The following RASEF variants were observed in gnomAD, a reference collection of about 807,000 sequenced individuals.
The protein encoded by RASEF is ras and EF-hand domain-containing protein.
RASEF carries 68 observed loss-of-function variants against 90.1 expected under a neutral mutation model. The observed-to-expected ratio is 0.75, with a 90% confidence interval of 0.62 to 0.92. The LOEUF (loss-of-function observed/expected upper bound fraction) is 0.92, where lower values mean the gene tolerates loss of function less well. Ranked by LOEUF, RASEF falls within the 40% of genes least tolerant of loss-of-function variation. RASEF has a pLI of 0.00. For missense variants in RASEF, 949 were observed against 937.2 expected (o/e 1.01, Z -0.16); for synonymous variants, 331 against 345.2 (o/e 0.96, Z 0.46).
intron 16 of RASEF, among the ~76,000 whole-genome samples, chr9:82,983,220 G>A: frequency 6.6e-6 from 1 of 151,276 alleles, no homozygotes; most frequent in East Asian, 1.9e-4. Flanking sequence ...CACACAGCTT[G>A]CTCCTTAACA....
At chr9:83,174,559 T>C in the RASEF span, among the ~76,000 whole-genome samples, 7 of 152,118 alleles carry the variant, frequency 4.6e-5, no homozygotes, top group African/African-American at 1.7e-4. Context: ...TTGTAGTAAG[T>C]TTTTAAACTG....
intron 2 of RASEF, among the ~76,000 whole-genome samples, chr9:83,023,440 G>T (rs1829479750): frequency 6.6e-6 from 1 of 152,090 alleles, no homozygotes; most frequent in Non-Finnish European, 1.5e-5. Flanking sequence ...AGTTTGATGG[G>T]TCTCTGCTAT....
At chr9:83,218,749 C>G in the RASEF span, among the ~76,000 whole-genome samples, 1 of 152,224 alleles carries the variant, frequency 6.6e-6, no homozygotes, top group Non-Finnish European at 1.5e-5. Context: ...ACCTGAGAAC[C>G]TGGCCTCCCA....
the RASEF span, among the ~76,000 whole-genome samples, chr9:83,194,547 CT>C: frequency 6.6e-6 from 1 of 152,080 alleles, no homozygotes; most frequent in Non-Finnish European, 1.5e-5. Context: ...CTTTTTCCCC[CT>C]TATATACTCC....
the RASEF span, among the ~76,000 whole-genome samples, chr9:83,069,842 T>C: frequency 3.3e-5 from 5 of 152,188 alleles, no homozygotes; most frequent in Admixed American, 3.3e-4. Flanking sequence ...ATCAGTCTCT[T>C]TAAGAATTCT....
At chr9:83,114,737 T>A in the RASEF span, among the ~76,000 whole-genome samples, 55,754 of 151,952 alleles carry the variant, frequency 0.37, 10,794 homozygotes, top group East Asian at 0.71. Context: ...ACAAAGAAAT[T>A]CCCGCCTAAT....
chr9:83,123,208 C>G, the RASEF span, among the ~76,000 whole-genome samples: 3 of 138,528 alleles, frequency 2.2e-5, no homozygotes, highest in African/African-American at 5.5e-5. Flanking sequence ...CCTCTGCACT[C>G]TGGCCTGGGC....
intron 16 of RASEF, among the ~76,000 whole-genome samples, chr9:82,986,882 G>C (rs1293232074): frequency 6.6e-6 from 1 of 152,150 alleles, no homozygotes; most frequent in East Asian, 1.9e-4. Context: ...GGTTATGAAC[G>C]ATGACCTATC....
chr9:83,025,819 T>A lies in RASEF; in HGVS notation c.534A>T (p.Arg178Ser), dbSNP rs1829536037. ...AATTTTCCATTTCTGTGCTTTGAAG[T>A]CTGATCTCACGGATGAAGTTCTTTA... ...HVIKNFIREI[R>S]LQSTEMENLA... Residue 178 changes from arginine (R) to serine (S), a missense_variant, in exon 2 of 17, where the codon AGA (arginine) becomes AGT (serine). Around this residue, in one of 3 missense-constraint regions of RASEF, gnomAD observed 656 missense variants for 592.2 expected, o/e 1.11. Coordinates refer to ENST00000376447, the MANE Select transcript of RASEF (RefSeq NM_152573.4). 3.1e-6 allele frequency: 5 copies of A among 1,614,098 alleles called. No individual in the cohort carries two copies. Among genetic ancestry groups the A allele is most frequent in the Non-Finnish European group, 4.2e-6 (5 of 1,179,988 alleles).
chr9:83,207,598 C>CTTTTTTTTTTT, the RASEF span, among the ~76,000 whole-genome samples: 2 of 85,456 alleles, frequency 2.3e-5, no homozygotes, highest in Non-Finnish European at 2.3e-5. Flanking sequence ...AGGAGGGCTG[C>CTTTTTTTTTTT]TTTTTTTTTT....
intron 12 of RASEF, among the ~76,000 whole-genome samples, chr9:82,999,606 CTCT>C (rs1272291011): frequency 1.3e-5 from 2 of 151,392 alleles, no homozygotes; most frequent in African/African-American, 2.4e-5. Flanking sequence ...GCAGATATCT[CTCT>C]TTTTTTTTTT....
chr9:83,208,249 C>T, the RASEF span, among the ~76,000 whole-genome samples: 5 of 152,190 alleles, frequency 3.3e-5, no homozygotes, highest in Non-Finnish European at 7.3e-5. Flanking sequence ...AGGGGCGTGT[C>T]TCCAGGACAG....
chr9:83,016,152 CT>C (rs1191190240), intron 3 of RASEF, among the ~76,000 whole-genome samples: 11 of 152,088 alleles, frequency 7.2e-5, no homozygotes, highest in African/African-American at 2.2e-4. Context: ...GGAGTGACAC[CT>C]CTAAGACTAT....
the RASEF span, among the ~76,000 whole-genome samples, chr9:83,207,735 G>A: frequency 1.3e-5 from 2 of 151,582 alleles, no homozygotes; most frequent in African/African-American, 2.4e-5. Flanking sequence ...AGCCTCCCAG[G>A]TAGCTAGGAT....
At chr9:83,150,435 C>T in the RASEF span, among the ~76,000 whole-genome samples, 3 of 152,210 alleles carry the variant, frequency 2.0e-5, no homozygotes, top group East Asian at 5.8e-4. Flanking sequence ...ACAAAGGACA[C>T]TTCTATCACT....
the RASEF span, among the ~76,000 whole-genome samples, chr9:83,070,826 T>C: frequency 6.6e-6 from 1 of 152,206 alleles, no homozygotes; most frequent in African/African-American, 2.4e-5. Context: ...TTATGATTTA[T>C]AGGTCTTTCA....
At chr9:83,030,768 A>G (rs1258445739) in intron 1 of RASEF, among the ~76,000 whole-genome samples, 2 of 152,258 alleles carry the variant, frequency 1.3e-5, no homozygotes, top group African/African-American at 4.8e-5. Context: ...GAGTGGGTAC[A>G]GAAATGGTAT....
At position 83,001,135 on chromosome 9, in the gene RASEF, T is replaced by C. The variant is rs1252950127; in HGVS notation, c.1203-5A>G. 2 of 1,605,724 alleles carry C rather than the reference T, an allele frequency of 1.2e-6. No individual in the cohort carries two copies. Among genetic ancestry groups the C allele is most frequent in the Non-Finnish European group, 1.7e-6 (2 of 1,173,144 alleles). Reference sequence around the variant, plus strand: ...ACATAGGAAGAGCGGGATGACCTGGTAATAAAGGGGAAGACCAATTTACCT... The same window carrying C: ...ACATAGGAAGAGCGGGATGACCTGGCAATAAAGGGGAAGACCAATTTACCT... On this transcript the variant is annotated splice_polypyrimidine_tract_variant and splice_region_variant and intron_variant, in intron 9 of 16. Transcript: ENST00000376447.
intron 1 of RASEF, among the ~76,000 whole-genome samples, chr9:83,042,200 T>C (rs73469501): frequency 0.023 from 3,541 of 152,090 alleles, 132 homozygotes; most frequent in African/African-American, 0.08. Context: ...CTAAAGAAAA[T>C]AGGAATAAAT....
Sources: allele counts gnomAD v4.1 joint callset (sites outside exome capture counted in the v4.1 genomes callset), GRCh38; gene constraint gnomAD v4.1.1; regional missense constraint gnomAD v4.1.1; transcripts MANE v1.5; gene names NCBI Gene and HGNC (gene_info 2026-07-23, HGNC 2026-07-21).